Variants in BTG4 observed in about 807,000 individuals in gnomAD.
BTG4 encodes BTG anti-proliferation factor 4.
A neutral mutation model predicts 19.3 loss-of-function variants in BTG4; 10 were observed. The observed-to-expected ratio is 0.52, with a 90% CI of 0.32 to 0.88. BTG4 has a LOEUF of 0.88. Among genes scored for constraint, BTG4 ranks in the 40% least tolerant of loss-of-function variants. BTG4 has a pLI of 0.04. For missense variants in BTG4, 238 were observed against 281.9 expected, an observed-to-expected ratio of 0.84 and a Z score of 1.11; for synonymous variants, 91 against 95.7, an observed-to-expected ratio of 0.95 and a Z score of 0.29.
chr11:111,477,783 G>A (rs113565245), intron 5 of BTG4, among the ~76,000 whole-genome samples: 1,655 of 152,158 alleles, frequency 0.011, 20 homozygotes, highest in African/African-American at 0.037. Flanking sequence ...GCTCTTTAGC[G>A]AAAGGACCAG....
intron 1 of BTG4, among the ~76,000 whole-genome samples, chr11:111,511,709 TC>T (rs1341712097): frequency 6.6e-6 from 1 of 152,206 alleles, no homozygotes; most frequent in African/African-American, 2.4e-5. Context: ...TCTGTAACTG[TC>T]CCTTTTGCCC....
chr11:111,502,040 C>T (rs1036677538), intron 1 of BTG4, among the ~76,000 whole-genome samples: 7 of 152,176 alleles, frequency 4.6e-5, no homozygotes, highest in Non-Finnish European at 1.0e-4. Context: ...TGTCATTCCT[C>T]TTCCTCAGTG....
intron 5 of BTG4, among the ~76,000 whole-genome samples, chr11:111,480,026 G>C (rs1864636606): frequency 6.6e-6 from 1 of 151,978 alleles, no homozygotes; most frequent in African/African-American, 2.4e-5. Flanking sequence ...AAATAGTCTA[G>C]AAACACCAGT....
the BTG4 span, among the ~76,000 whole-genome samples, chr11:111,387,400 C>T: frequency 6.6e-6 from 1 of 152,194 alleles, no homozygotes; most frequent in East Asian, 1.9e-4. Flanking sequence ...AATAATTAGA[C>T]ATTGTGACTA....
At chr11:111,440,003 A>G in the BTG4 span, among the ~76,000 whole-genome samples, 1 of 152,206 alleles carries the variant, frequency 6.6e-6, no homozygotes, top group African/African-American at 2.4e-5. Flanking sequence ...GTTTTATTTT[A>G]TCTCACAGTG....
chr11:111,474,935 G>A (rs550356862), intron 5 of BTG4, among the ~76,000 whole-genome samples: 1 of 152,150 alleles, frequency 6.6e-6, no homozygotes, highest in East Asian at 1.9e-4. Context: ...ACCTTCTCTT[G>A]TAAAGTGCCT....
chr11:111,456,558 C>G, the BTG4 span: 1 of 456,322 alleles, frequency 2.2e-6, no homozygotes, highest in African/African-American at 2.0e-5. The surrounding 1 kb of genome is among the most constrained non-coding windows in gnomAD (Gnocchi z 4.2). Context: ...GTGTGAACCC[C>G]GTCACCAAGT....
intron 5 of BTG4, among the ~76,000 whole-genome samples, chr11:111,471,763 C>T (rs1591450032): frequency 6.6e-6 from 1 of 152,178 alleles, no homozygotes; most frequent in Non-Finnish European, 1.5e-5. Flanking sequence ...TGTTTATTGG[C>T]CATCTCCACC....
intron 4 of BTG4, among the ~76,000 whole-genome samples, chr11:111,496,220 T>G (rs186896256): frequency 6.6e-6 from 1 of 152,350 alleles, no homozygotes; most frequent in African/African-American, 2.4e-5. Flanking sequence ...TTATCTGTTT[T>G]TTAAATGAGA....
downstream of BTG4, among the ~76,000 whole-genome samples, chr11:111,467,369 GCATA>G (rs1565438294): frequency 6.6e-6 from 1 of 152,120 alleles, no homozygotes; most frequent in African/African-American, 2.4e-5. Context: ...GTCATATTTA[GCATA>G]AATATTAAAT....
intron 1 of BTG4, among the ~76,000 whole-genome samples, chr11:111,509,005 C>A (rs1355699451): frequency 6.6e-6 from 1 of 152,030 alleles, no homozygotes; most frequent in African/African-American, 2.4e-5. Flanking sequence ...ATTATAGAGA[C>A]TATTTTGTTA....
chr11:111,513,438 G>C (rs80067849), upstream of BTG4: 1 of 534,428 alleles, frequency 1.9e-6, no homozygotes, highest in East Asian at 5.4e-5. Flanking sequence ...TTTTTTCTAT[G>C]AGTCTAGTTA....
intron 1 of BTG4, among the ~76,000 whole-genome samples, chr11:111,500,796 C>T (rs1010742739): frequency 2.6e-5 from 4 of 152,028 alleles, no homozygotes; most frequent in African/African-American, 9.7e-5. Flanking sequence ...CCTCAGGTGG[C>T]TTTTACCTTG....
intron 1 of BTG4, among the ~76,000 whole-genome samples, chr11:111,503,164 T>C (rs375267532): frequency 6.6e-6 from 1 of 152,190 alleles, no homozygotes; most frequent in South Asian, 2.1e-4. Context: ...GATGTAAAGT[T>C]TGGGAAATGA....
chr11:111,459,983 T>C, the BTG4 span, among the ~76,000 whole-genome samples: 1 of 152,154 alleles, frequency 6.6e-6, no homozygotes, highest in Non-Finnish European at 1.5e-5. Context: ...AAATCATGTA[T>C]GTCTCCCCTA....
the BTG4 span, among the ~76,000 whole-genome samples, chr11:111,398,274 A>G: frequency 6.6e-6 from 1 of 152,180 alleles, no homozygotes; most frequent in East Asian, 1.9e-4. Context: ...GTGTAGTTTC[A>G]GAGGACACCC....
chr11:111,437,530 G>A, the BTG4 span, among the ~76,000 whole-genome samples: 27 of 152,330 alleles, frequency 1.8e-4, no homozygotes, highest in Non-Finnish European at 8.8e-5. Flanking sequence ...CTCAACTTGA[G>A]GACTGGTGTG....
At chr11:111,455,092 G>A in the BTG4 span, 4 of 454,746 alleles carry the variant, frequency 8.8e-6, no homozygotes, top group Non-Finnish European at 1.8e-5. Context: ...GCAGCAGGTG[G>A]GCTTGGTTCA....
At chr11:111,509,621 A>G (rs1866718366) in intron 1 of BTG4, among the ~76,000 whole-genome samples, 1 of 151,882 alleles carries the variant, frequency 6.6e-6, no homozygotes, top group Non-Finnish European at 1.5e-5. Flanking sequence ...GCTTGAACCT[A>G]GGAGACAGAG....
Sources: gnomAD v4.1 joint callset for allele counts (sites outside exome capture counted in the v4.1 genomes callset) on GRCh38, gnomAD v4.1.1 for gene constraint, Gnocchi (gnomAD v3.1) non-coding constraint, MANE v1.5 for transcripts, NCBI Gene and HGNC (gene_info 2026-07-23, HGNC 2026-07-21) for gene names.